STK17B: variants seen among roughly 807,000 people sequenced by gnomAD.
STK17B encodes serine/threonine-protein kinase 17B.
STK17B carries 21 observed loss-of-function variants against 42.0 expected under a neutral mutation model. The ratio of observed to expected loss-of-function variants is 0.50; its 90% CI spans 0.35 to 0.72. STK17B has a LOEUF of 0.72. Ranked by LOEUF, STK17B falls within the 30% of genes least tolerant of loss-of-function variation. The pLI is 0.00. For synonymous variants in STK17B, 143 were observed against 148.4 expected, an observed-to-expected ratio of 0.96 and a Z score of 0.26; for missense variants, 349 against 446.0, an observed-to-expected ratio of 0.78 and a Z score of 1.96.
At chr2:196,167,229 G>A (rs1414840898) in intron 1 of STK17B, among the ~76,000 whole-genome samples, 1 of 152,138 alleles carries the variant, frequency 6.6e-6, no homozygotes, top group Non-Finnish European at 1.5e-5. Flanking sequence ...AGGATCCTTG[G>A]CATACTTCTT....
chr2:196,166,416 G>A (rs1699874901), intron 1 of STK17B: 2 of 151,770 alleles, frequency 1.3e-5, no homozygotes, highest in African/African-American at 2.4e-5. Context: ...TCATATTACC[G>A]ATTCTAAATT....
chr2:196,139,939 A>T, intron 6 of STK17B, 140 bp from the exon 7 acceptor site: 1 of 531,498 alleles, frequency 1.9e-6, no homozygotes. Flanking sequence ...CAAAGTTCCT[A>T]TATTATTAAA....
intron 1 of STK17B, among the ~76,000 whole-genome samples, chr2:196,170,479 A>G (rs2280346): frequency 0.1 from 15,941 of 152,246 alleles, 1,983 homozygotes; most frequent in East Asian, 0.34. Flanking sequence ...TCTTAATTCC[A>G]ATTTCCAAAT....
chr2:196,138,854 G>A (rs1056988281), intron 7 of STK17B, among the ~76,000 whole-genome samples: 7 of 152,144 alleles, frequency 4.6e-5, no homozygotes, highest in East Asian at 3.8e-4. Flanking sequence ...GAATACAGGC[G>A]TGAGCCACCT....
intron 7 of STK17B, among the ~76,000 whole-genome samples, chr2:196,138,729 C>T (rs371517317): frequency 6.6e-6 from 1 of 152,034 alleles, no homozygotes; most frequent in South Asian, 2.1e-4. Flanking sequence ...GTGCATGCCA[C>T]CATGCCCGGC....
chr2:196,136,000 A>C lies in STK17B; in HGVS notation c.*1447T>G, dbSNP rs1228059047. 6.6e-6 allele frequency: 1 copy of C among 152,166 alleles called. No individual in the cohort carries two copies. Among genetic ancestry groups the C allele is most frequent in the African/African-American group, 2.4e-5 (1 of 41,436 alleles). 9.4% of individuals were successfully genotyped at this position (152,166 alleles called of 1,614,324 possible). A position where few individuals can be genotyped will look rare whatever the true frequency, so the allele number is the denominator to read the frequency against. ...AAAGGAATTCACCATGTGGTCAAAT[A>C]AAGTGACCTGATAGTTATTCAAAAA... On this transcript the variant is annotated 3_prime_UTR_variant, in exon 8 of 8. Coordinates refer to ENST00000263955, the MANE Select transcript of STK17B (RefSeq NM_004226.4).
rs115349154 is a variant in STK17B, at chr2:196,158,381, A to G, written c.123-1730T>C. 9.8e-3 allele frequency among the ~76,000 whole-genome samples: 1,496 copies of G among 152,360 alleles called. 26 individuals carry two copies. Among genetic ancestry groups the G allele is most frequent in the African/African-American group, 0.034 (1,418 of 41,582 alleles). ...TTGACTCTTCTACATTTATCAAAAT[A>G]TATTAATACATCAACTAAATAAATT... On this transcript the variant is annotated intron_variant, in intron 2 of 7. Transcript: ENST00000263955.
intron 7 of STK17B, among the ~76,000 whole-genome samples, chr2:196,138,820 C>T (rs1182468564): frequency 1.3e-5 from 2 of 151,970 alleles, no homozygotes; most frequent in African/African-American, 2.4e-5. Context: ...ATGATCTGGC[C>T]GCCTTGGCCT....
In STK17B at chr2:196,161,588, G is replaced by A. The variant is rs563590847; in HGVS notation, c.122+1674C>T. On this transcript the variant is annotated intron_variant, in intron 2 of 7. Transcript: ENST00000263955. The stretch of plus-strand genomic sequence containing the variant: ...AGCTGGAGTGCAGTGGCATGATATC[G>A]GCTCACTGCAACCTCCACCTGCCGG... Among the ~76,000 whole-genome samples, 632 of 131,648 alleles carry A rather than the reference G, an allele frequency of 4.8e-3. 1 individual carries two copies. The highest frequency in any genetic ancestry group is 7.9e-3 in the Admixed American group (85 of 10,734). 86.4% of individuals were successfully genotyped at this position (131,648 alleles called of 152,430 possible).
intron 2 of STK17B, among the ~76,000 whole-genome samples, chr2:196,157,299 AG>A (rs1683410919): frequency 6.6e-6 from 1 of 152,202 alleles, no homozygotes; most frequent in Non-Finnish European, 1.5e-5. Context: ...TTCACACCTC[AG>A]AGAAGATATG....
chr2:196,155,641 C>T (rs1016429920), intron 3 of STK17B, among the ~76,000 whole-genome samples: 1 of 151,974 alleles, frequency 6.6e-6, no homozygotes, highest in Non-Finnish European at 1.5e-5. Context: ...CTATTGGCAC[C>T]CAAGGTATAC....
In STK17B at chr2:196,136,126, ATTTC is replaced by A. The variant is rs1699400449; in HGVS notation, c.*1317_*1320del. On this transcript the variant is annotated 3_prime_UTR_variant, in exon 8 of 8. Transcript: ENST00000263955. The stretch of plus-strand genomic sequence containing the variant: ...GGTTGTTGTTACCATTTGTCAAACT[ATTTC>A]TTCTGATACAGCAACATGGTCATGA... 1 of 152,192 alleles carries A rather than the reference ATTTC, an allele frequency of 6.6e-6. No individual in the cohort carries two copies. Among genetic ancestry groups the A allele is most frequent in the Non-Finnish European group, 1.5e-5 (1 of 68,036 alleles). The allele number at this position is 152,192 out of a possible 1,614,324, so 9.4% of individuals were successfully genotyped here.
chr2:196,134,110 T>C lies in STK17B; in HGVS notation c.*3337A>G, dbSNP rs1246257377. 6.6e-6 allele frequency: 1 copy of C among 152,244 alleles called. No homozygotes were observed. The highest frequency in any genetic ancestry group is 1.5e-5 in the Non-Finnish European group (1 of 68,052). 9.4% of individuals were successfully genotyped at this position (152,244 alleles called of 1,614,324 possible). On this transcript the variant is annotated 3_prime_UTR_variant, in exon 8 of 8. Coordinates refer to ENST00000263955, the MANE Select transcript of STK17B (RefSeq NM_004226.4). ...CAAAGCATGGTCCATTAACTATTTG[T>C]GAGCTGTCCAGAATGAAAGAGGCTT...
In STK17B at chr2:196,147,735, TA is replaced by T. The variant is rs201421705; in HGVS notation, c.336-1681del. 7.5e-4 allele frequency among the ~76,000 whole-genome samples: 11 copies of T among 14,654 alleles called. 1 individual carries two copies. The highest frequency in any genetic ancestry group is 1.7e-3 in the Non-Finnish European group (7 of 4,168). 9.6% of individuals were successfully genotyped at this position (14,654 alleles called of 152,430 possible). ...TGCTGTAAATTCATGAGACATAATA[TA>T]TTTTTTTTTTTTTTGAGATGGAGTT... On this transcript the variant is annotated intron_variant, in intron 3 of 7. Transcript: ENST00000263955.
chr2:196,160,948 A>G (rs2105707541), intron 2 of STK17B, among the ~76,000 whole-genome samples: 1 of 152,342 alleles, frequency 6.6e-6, no homozygotes, highest in Non-Finnish European at 1.5e-5. Context: ...AAGCCCTCAA[A>G]GCAAAAATAC....
chr2:196,174,322 C>A (rs1193287144), upstream of STK17B: 1 of 152,180 alleles, frequency 6.6e-6, no homozygotes, highest in African/African-American at 2.4e-5. Context: ...GGGAAGGGAC[C>A]TTCCCCAGTC....
At position 196,137,526 on chromosome 2, in the gene STK17B, C is replaced by T; in HGVS notation, c.1040G>A (p.Ser347Asn). Residue 347 changes from serine (S) to asparagine (N), a missense_variant, in exon 8 of 8, where the codon AGC becomes AAC. Ser to Asn is a conservative substitution (Grantham distance 46). This residue lies in a region of STK17B where 87 missense variants were observed against 78.8 expected (regional missense o/e 1.10). Transcript: ENST00000263955. The stretch of plus-strand genomic sequence containing the variant: ...ACGAAATCTTTTGGAAACCATGCTG[C>T]TATCCTCTGGGATATTCTCTTTGTC... ...REDKENIPED[S>N]SMVSKRFRFD... is the part of the protein sequence containing the mutation. 1 of 1,614,086 alleles carries T rather than the reference C, an allele frequency of 6.2e-7. No homozygotes were observed. The highest frequency in any genetic ancestry group is 8.5e-7 in the Non-Finnish European group (1 of 1,179,988).
At chr2:196,138,726 C>A (rs756783002) in intron 7 of STK17B, among the ~76,000 whole-genome samples, 20 of 151,990 alleles carry the variant, frequency 1.3e-4, no homozygotes, top group Non-Finnish European at 2.1e-4. Context: ...TAGGTGCATG[C>A]CACCATGCCC....
chr2:196,142,240 T>C (rs1207106636), intron 5 of STK17B, among the ~76,000 whole-genome samples: 1 of 152,140 alleles, frequency 6.6e-6, no homozygotes, highest in Non-Finnish European at 1.5e-5. Flanking sequence ...GTATTTTTAG[T>C]AGAGATGGGG....
Sources: gnomAD v4.1 joint callset for allele counts (sites outside exome capture counted in the v4.1 genomes callset) on GRCh38, gnomAD v4.1.1 for gene constraint, gnomAD v4.1.1 regional missense constraint, MANE v1.5 for transcripts, NCBI Gene and HGNC (gene_info 2026-07-23, HGNC 2026-07-21) for gene names.